Variants in LPP observed in about 807,000 individuals in gnomAD.
LPP encodes LIM domain containing preferred translocation partner in lipoma.
Under a neutral mutation model 60.4 loss-of-function variants are expected in LPP, and 38 were observed. The observed-to-expected ratio is 0.63, with a 90% CI of 0.49 to 0.83. The LOEUF (loss-of-function observed/expected upper bound fraction) is 0.83. Among genes scored for constraint, LPP ranks in the 40% least tolerant of loss-of-function variants. LPP has a pLI of 0.00. For synonymous variants in LPP, 328 were observed against 290.8 expected (o/e 1.13, Z -1.30); for missense variants, 902 against 783.6 (o/e 1.15, Z -1.80).
At chr3:188,427,556 T>C (rs2149107955) in intron 4 of LPP, among the ~76,000 whole-genome samples, 1 of 152,316 alleles carries the variant, frequency 6.6e-6, no homozygotes, top group Middle Eastern at 3.4e-3. Flanking sequence ...ATTTGAATGT[T>C]GGCCTGTCTT....
intron 1 of LPP, among the ~76,000 whole-genome samples, chr3:188,204,277 G>A (rs571531021): frequency 1.7e-4 from 26 of 152,102 alleles, no homozygotes; most frequent in Non-Finnish European, 3.2e-4. Flanking sequence ...CATAGATTGG[G>A]CTCATCCTGG....
chr3:188,261,489 A>G (rs970636507), intron 2 of LPP, among the ~76,000 whole-genome samples: 2 of 152,194 alleles, frequency 1.3e-5, no homozygotes, highest in Non-Finnish European at 2.9e-5. Flanking sequence ...TTTTAAGTCA[A>G]TCAACATACA....
At chr3:188,323,093 C>T (rs189998776) in intron 2 of LPP, among the ~76,000 whole-genome samples, 18 of 152,254 alleles carry the variant, frequency 1.2e-4, no homozygotes, top group Admixed American at 7.8e-4. Flanking sequence ...GGACTAAAAG[C>T]GCTTGATGGA....
At chr3:188,367,046 G>A (rs1000571942) in intron 3 of LPP, among the ~76,000 whole-genome samples, 8 of 152,072 alleles carry the variant, frequency 5.3e-5, no homozygotes, top group Non-Finnish European at 1.2e-4. Flanking sequence ...ACAGGCACCC[G>A]CCACCATGCC....
At chr3:188,525,473 G>A (rs1820351703) in intron 6 of LPP, among the ~76,000 whole-genome samples, 1 of 152,054 alleles carries the variant, frequency 6.6e-6, no homozygotes, top group Non-Finnish European at 1.5e-5. Context: ...TTGTCTATAT[G>A]GATATTTTGT....
intron 1 of LPP, among the ~76,000 whole-genome samples, chr3:188,183,791 G>T (rs1411857226): frequency 1.3e-5 from 2 of 152,102 alleles, no homozygotes; most frequent in African/African-American, 4.8e-5. Flanking sequence ...CCCATAAGTG[G>T]CAAGCTGGGA....
At chr3:188,159,697 G>C (rs144094119) in intron 1 of LPP, among the ~76,000 whole-genome samples, 1 of 152,188 alleles carries the variant, frequency 6.6e-6, no homozygotes, top group South Asian at 2.1e-4. Flanking sequence ...CCAGAACCTT[G>C]AGCCAGTTGT....
chr3:188,582,154 C>CTTTTTTTTT (rs10565240), intron 6 of LPP, among the ~76,000 whole-genome samples: 6 of 102,230 alleles, frequency 5.9e-5, no homozygotes, highest in Admixed American at 1.1e-4. Flanking sequence ...TTTTCTTTTT[C>CTTTTTTTTT]TTTTTTTTTT....
chr3:188,617,704 A>C (rs1158472129), intron 7 of LPP, among the ~76,000 whole-genome samples: 1 of 152,238 alleles, frequency 6.6e-6, no homozygotes, highest in Non-Finnish European at 1.5e-5. Context: ...TCATTTTCAT[A>C]GATTTGGTTG....
At chr3:188,528,215 G>C (rs1821181151) in intron 6 of LPP, among the ~76,000 whole-genome samples, 2 of 152,096 alleles carry the variant, frequency 1.3e-5, no homozygotes, top group African/African-American at 4.8e-5. Flanking sequence ...TTTTAGTAGA[G>C]ATGGGGTTTC....
intron 4 of LPP, among the ~76,000 whole-genome samples, chr3:188,435,226 A>C (rs1792014334): frequency 6.6e-6 from 1 of 152,204 alleles, no homozygotes; most frequent in South Asian, 2.1e-4. Flanking sequence ...TGTTCCGGGT[A>C]GATTAAATGT....
chr3:188,736,439 T>C (rs748425901), intron 8 of LPP, among the ~76,000 whole-genome samples: 3 of 152,046 alleles, frequency 2.0e-5, no homozygotes, highest in Non-Finnish European at 2.9e-5. Context: ...TTAAAAAAAA[T>C]TTTATTCACA....
rs563996014 is a variant in LPP at position 188,722,903 on chromosome 3, T to C, written c.1240+14510T>C. On this transcript the variant is annotated intron_variant, in intron 8 of 11. Transcript: ENST00000617246. ...TGTGTCATTTATGATTAGTGTGTAA[T>C]AATCATTCCTCTAAATTGTTAACGT... 2.4e-4 allele frequency among the ~76,000 whole-genome samples: 36 copies of C among 152,344 alleles called. 1 individual carries two copies. In the South Asian group the frequency reaches 7.5e-3, roughly 32 times the overall value.
Position 188,885,097 on chromosome 3 carries a change from C to G in LPP, c.*10618C>G, listed in dbSNP as rs1420600944. 2 of 214,078 alleles carry G rather than the reference C, an allele frequency of 9.3e-6. No individual in the cohort carries two copies. Among genetic ancestry groups the G allele is most frequent in the African/African-American group, 4.5e-5 (2 of 44,202 alleles). The allele number at this position is 214,078 out of a possible 1,614,324, so 13.3% of individuals were successfully genotyped here. The stretch of plus-strand genomic sequence containing the variant: ...AAGTGTTCCTTCTCTTGAGCTGCGT[C>G]CCTCAGGAAGCTGTACCTTTAGGGT... On this transcript the variant is annotated 3_prime_UTR_variant, in exon 12 of 12. Coordinates refer to ENST00000617246, the MANE Select transcript of LPP (RefSeq NM_001375462.1).
chr3:188,224,350 A>T (rs1372490858), intron 1 of LPP, among the ~76,000 whole-genome samples: 1 of 152,222 alleles, frequency 6.6e-6, no homozygotes, highest in African/African-American at 2.4e-5. Context: ...TGAAATGGGC[A>T]TGGTAGTTTC....
chr3:188,428,508 G>A (rs1160782104), intron 4 of LPP, among the ~76,000 whole-genome samples: 1 of 151,590 alleles, frequency 6.6e-6, no homozygotes, highest in African/African-American at 2.4e-5. Context: ...TAATCACCTG[G>A]GGAACTTCAA....
At position 188,534,014 on chromosome 3, in the gene LPP, A is replaced by C. The variant is rs187747400; in HGVS notation, c.429+9227A>C. Among the ~76,000 whole-genome samples the C allele has an allele frequency of 3.3e-5, 5 of 152,318 alleles. No homozygotes were observed. In the East Asian group the frequency reaches 9.6e-4, roughly 29 times the overall value. ...GAAAATGTAACATTTTCAGAGTGGA[A>C]ATTTAGCCTAAAAATCTACCTTGCA... On this transcript the variant is annotated intron_variant, in intron 6 of 11. Transcript: ENST00000617246.
chr3:188,385,034 C>A (rs937533595), intron 3 of LPP, among the ~76,000 whole-genome samples: 6 of 151,634 alleles, frequency 4.0e-5, no homozygotes, highest in African/African-American at 1.5e-4. Context: ...CACACACCTA[C>A]CCCTATTTTC....
chr3:188,242,677 CTGGGCCAGG>C (rs1007479960), intron 2 of LPP, among the ~76,000 whole-genome samples: 1 of 152,182 alleles, frequency 6.6e-6, no homozygotes, highest in Admixed American at 6.5e-5. Context: ...AGAGCCAGAA[CTGGGCCAGG>C]TGATCATCAA....
Sources: gnomAD v4.1 joint callset for allele counts (sites outside exome capture counted in the v4.1 genomes callset) on GRCh38, gnomAD v4.1.1 for gene constraint, MANE v1.5 for transcripts, NCBI Gene and HGNC (gene_info 2026-07-23, HGNC 2026-07-21) for gene names.